Variants in MATN2 observed in about 807,000 individuals in gnomAD.
MATN2 encodes the protein matrilin 2.
In MATN2, 69 loss-of-function variants were observed where a neutral mutation model predicts 103.2. That is an observed-to-expected ratio of 0.67 (90% CI 0.55 to 0.82). The LOEUF (loss-of-function observed/expected upper bound fraction) is 0.82. Among genes scored for constraint, MATN2 ranks in the 40% least tolerant of loss-of-function variants. The pLI is 0.00. For missense variants in MATN2, 1,023 were observed against 1,211.5 expected (o/e 0.84, Z 2.31); for synonymous variants, 429 against 450.2 (o/e 0.95, Z 0.60).
At chr8:98,024,306 A>T (rs1483065028) in intron 13 of MATN2, among the ~76,000 whole-genome samples, 2 of 152,180 alleles carry the variant, frequency 1.3e-5, no homozygotes, top group Non-Finnish European at 2.9e-5. Context: ...GGAGTTCAAG[A>T]CCAGCCTGGC....
chr8:97,988,165 A>AT lies in MATN2; in HGVS notation c.1082-6315_1082-6314insT, dbSNP rs1484789407. ...GCCCATCTCCACCAAAAAAAAAAAAAAAAAAAATATATATATATATATATA... is the reference window on the plus strand; with the variant it reads ...GCCCATCTCCACCAAAAAAAAAAAAATAAAAAAATATATATATATATATATA... On this transcript the variant is annotated intron_variant, in intron 6 of 18. Transcript: ENST00000254898. Among the ~76,000 whole-genome samples the AT allele has an allele frequency of 5.7e-3, 318 of 55,954 alleles. 2 individuals are homozygous for AT. Among genetic ancestry groups the AT allele is most frequent in the Non-Finnish European group, 8.3e-3 (222 of 26,784 alleles). The allele number at this position is 55,954 out of a possible 152,430, so 36.7% of individuals were successfully genotyped here.
At chr8:97,962,538 A>C (rs1307758166) in intron 5 of MATN2, among the ~76,000 whole-genome samples, 1 of 152,188 alleles carries the variant, frequency 6.6e-6, no homozygotes, top group Non-Finnish European at 1.5e-5. Context: ...ACTGATAGGA[A>C]TGAAAGCAAC....
intron 7 of MATN2, 135 bp downstream of exon 7, chr8:97,994,737 T>C: frequency 5.0e-6 from 5 of 1,005,256 alleles, no homozygotes. Context: ...CTCCCCTTTA[T>C]TTTACTTTTT....
chr8:97,976,960 C>T (rs753136745), intron 5 of MATN2, among the ~76,000 whole-genome samples: 9 of 151,968 alleles, frequency 5.9e-5, no homozygotes, highest in Admixed American at 2.6e-4. Flanking sequence ...TGGCCAGGCA[C>T]GGTGGCTCAT....
chr8:97,964,452 TTTTTTTTTTTC>T (rs1419243692), intron 5 of MATN2, among the ~76,000 whole-genome samples: 1 of 150,080 alleles, frequency 6.7e-6, no homozygotes, highest in Non-Finnish European at 1.5e-5. Context: ...CCAATTCTTT[TTTTTTTTTTTC>T]TTTTTTTTGA....
chr8:98,003,655 C>A lies in MATN2; in HGVS notation c.1205-6C>A. The A allele has an allele frequency of 6.2e-7, 1 of 1,613,672 alleles. No individual in the cohort carries two copies. The highest frequency in any genetic ancestry group is 1.1e-5 in the South Asian group (1 of 91,072). ...CTGAAGGAAGGTCTGCCCTTCTTCC[C>A]CTCAGGGATCAACTACTGTGCACTG... is the stretch of plus-strand genomic sequence containing the variant. On this transcript the variant is annotated splice_region_variant and splice_polypyrimidine_tract_variant and intron_variant, in intron 7 of 18. Coordinates refer to ENST00000254898, the MANE Select transcript of MATN2 (RefSeq NM_002380.5).
chr8:97,959,613 G>C (rs1734309211), intron 4 of MATN2, among the ~76,000 whole-genome samples: 2 of 152,052 alleles, frequency 1.3e-5, no homozygotes, highest in African/African-American at 4.8e-5. Context: ...TGTCTATAAG[G>C]CTTTTTTTTC....
Position 97,994,637 on chromosome 8 carries a change from C to T in MATN2, c.1204+35C>T, listed in dbSNP as rs763964714. 5 of 1,591,192 alleles carry T rather than the reference C, an allele frequency of 3.1e-6. No individual in the cohort carries two copies. The African/African-American group carries it at 5.4e-5, about 17-fold the overall frequency. On this transcript the variant is annotated intron_variant, in intron 7 of 18. Coordinates refer to ENST00000254898, the MANE Select transcript of MATN2 (RefSeq NM_002380.5). Reference sequence around the variant, plus strand: ...AGTGGGAGTTGGAGAAGGGCTTGTTCTGCTAAATGCTCCTCTAGTTAGTTT... The same window carrying T: ...AGTGGGAGTTGGAGAAGGGCTTGTTTTGCTAAATGCTCCTCTAGTTAGTTT...
chr8:98,034,005 A>T (rs890129180), intron 18 of MATN2, among the ~76,000 whole-genome samples: 4 of 152,190 alleles, frequency 2.6e-5, no homozygotes, highest in South Asian at 4.1e-4. Context: ...TCTGAAGTGC[A>T]TCAAAGGTAC....
chr8:98,021,108 T>TA, intron 12 of MATN2, 97 bp from the exon 13 acceptor site: 4 of 1,228,720 alleles, frequency 3.3e-6, no homozygotes, highest in Non-Finnish European at 4.5e-6. Context: ...GTATTTTCTT[T>TA]AAAAGAGATT....
chr8:98,024,638 C>T (rs750987816), intron 13 of MATN2, among the ~76,000 whole-genome samples: 91 of 152,148 alleles, frequency 6.0e-4, no homozygotes, highest in East Asian at 9.6e-4. Context: ...AGGCCCAGGC[C>T]GAATGGTCAC....
intron 12 of MATN2, 113 bp downstream of exon 12, chr8:98,018,229 C>T: frequency 1.4e-6 from 2 of 1,384,804 alleles, no homozygotes; most frequent in Non-Finnish European, 2.0e-6. Flanking sequence ...AGTGTCAGTT[C>T]CTGCCTTGGG....
chr8:97,905,751 T>C (rs1232870523), intron 2 of MATN2, among the ~76,000 whole-genome samples: 1 of 152,100 alleles, frequency 6.6e-6, no homozygotes, highest in East Asian at 1.9e-4. Flanking sequence ...CAACCTTGAC[T>C]TCCCTGGCTC....
chr8:97,934,842 T>C (rs1168443507), intron 3 of MATN2, among the ~76,000 whole-genome samples: 2 of 152,228 alleles, frequency 1.3e-5, no homozygotes, highest in African/African-American at 4.8e-5. Context: ...TAGCTACTTA[T>C]GCAGATATTT....
chr8:97,912,496 G>A (rs2130075413), intron 2 of MATN2, among the ~76,000 whole-genome samples: 1 of 152,330 alleles, frequency 6.6e-6, no homozygotes, highest in South Asian at 2.1e-4. Context: ...CTGTCCCAGT[G>A]TGTTTAGGGA....
At chr8:98,032,353 G>A in intron 16 of MATN2, 36 bp downstream of exon 16, 1 of 1,526,494 alleles carries the variant, frequency 6.6e-7, no homozygotes, top group Non-Finnish European at 9.0e-7. Context: ...AGAAATTTTG[G>A]TGGAGGGAAC....
intron 10 of MATN2, among the ~76,000 whole-genome samples, chr8:98,009,575 A>G (rs1336951733): frequency 6.6e-6 from 1 of 152,176 alleles, no homozygotes; most frequent in Non-Finnish European, 1.5e-5. Flanking sequence ...TGAGATGGGC[A>G]CTGCTGTGCC....
chr8:98,019,053 A>T (rs1039144761), intron 12 of MATN2, among the ~76,000 whole-genome samples: 1 of 148,700 alleles, frequency 6.7e-6, no homozygotes, highest in African/African-American at 2.5e-5. Context: ...CATATATATA[A>T]TATATATATG....
intron 16 of MATN2, 63 bp from the exon 17 acceptor site, chr8:98,032,979 G>T: frequency 1.3e-6 from 2 of 1,515,084 alleles, no homozygotes; most frequent in Non-Finnish European, 1.8e-6. Flanking sequence ...TTACTCTGCT[G>T]ATGGCTGTTT....
Sources: gnomAD v4.1 joint callset for allele counts (sites outside exome capture counted in the v4.1 genomes callset) on GRCh38, gnomAD v4.1.1 for gene constraint, MANE v1.5 for transcripts, NCBI Gene and HGNC (gene_info 2026-07-23, HGNC 2026-07-21) for gene names.